The following PPP3CA variants were observed in gnomAD, a reference collection of about 807,000 sequenced individuals.
PPP3CA encodes protein phosphatase 3 catalytic subunit alpha.
In PPP3CA, 14 loss-of-function variants were observed where a neutral mutation model predicts 66.5. That is an observed-to-expected ratio of 0.21 (90% confidence interval 0.14 to 0.33). PPP3CA has a LOEUF of 0.33. Ranked by LOEUF, PPP3CA falls within the 10% of genes least tolerant of loss-of-function variation. The pLI is 1.00. For missense variants in PPP3CA, 317 were observed against 639.5 expected (o/e 0.50, Z 5.44); for synonymous variants, 232 against 226.2 (o/e 1.03, Z -0.23).
chr4:101,083,655 C>T (rs2110241191), intron 6 of PPP3CA, among the ~76,000 whole-genome samples: 1 of 152,276 alleles, frequency 6.6e-6, no homozygotes, highest in Admixed American at 6.5e-5. Context: ...ACCATTTGTG[C>T]ATATGTGTGC....
At chr4:101,238,640 T>C (rs964897594) in intron 1 of PPP3CA, among the ~76,000 whole-genome samples, 15 of 152,194 alleles carry the variant, frequency 9.9e-5, no homozygotes, top group South Asian at 2.1e-4. Context: ...AAAGTGCATA[T>C]CTTAAAGAGA....
At chr4:101,234,567 C>T (rs1726067678) in intron 1 of PPP3CA, among the ~76,000 whole-genome samples, 1 of 150,718 alleles carries the variant, frequency 6.6e-6, no homozygotes, top group South Asian at 2.1e-4. Context: ...CCTTTCCCCA[C>T]TTTTTAATGT....
intron 1 of PPP3CA, among the ~76,000 whole-genome samples, chr4:101,330,669 C>T (rs1285454901): frequency 5.3e-5 from 8 of 152,138 alleles, no homozygotes; most frequent in Non-Finnish European, 7.4e-5. Flanking sequence ...ATCTCCAAAC[C>T]GACAATATCT....
At position 101,302,781 on chromosome 4, in the gene PPP3CA, T is replaced by C. The variant is rs79448173; in HGVS notation, c.58+43958A>G. 6.5e-3 allele frequency among the ~76,000 whole-genome samples: 986 copies of C among 152,316 alleles called. 12 individuals carry two copies. Among genetic ancestry groups the C allele is most frequent in the African/African-American group, 0.022 (935 of 41,572 alleles). ...GAGTCCCAGAACCACAAGAGTGATT[T>C]GGCCCCATGTCAGCCAGACAGAATA... is the stretch of plus-strand genomic sequence containing the variant. On this transcript the variant is annotated intron_variant, in intron 1 of 13. Coordinates refer to ENST00000394854, the MANE Select transcript of PPP3CA (RefSeq NM_000944.5).
intron 1 of PPP3CA, among the ~76,000 whole-genome samples, chr4:101,322,044 G>A (rs1729055743): frequency 6.6e-6 from 1 of 152,116 alleles, no homozygotes; most frequent in Non-Finnish European, 1.5e-5. Flanking sequence ...CTTGTCAAAT[G>A]AGCTCTTTTG....
At chr4:101,301,238 C>A (rs1179411937) in intron 1 of PPP3CA, among the ~76,000 whole-genome samples, 2 of 151,702 alleles carry the variant, frequency 1.3e-5, no homozygotes, top group African/African-American at 4.8e-5. Flanking sequence ...GTCCAACATT[C>A]ACATTGTGTT....
At chr4:101,028,821 G>C (rs1378510031) in intron 13 of PPP3CA, among the ~76,000 whole-genome samples, 4 of 152,082 alleles carry the variant, frequency 2.6e-5, no homozygotes, top group Non-Finnish European at 5.9e-5. Flanking sequence ...TGATTTGAGG[G>C]AGGGACATGG....
chr4:101,100,407 A>C (rs1400627796), intron 3 of PPP3CA, among the ~76,000 whole-genome samples: 2 of 152,132 alleles, frequency 1.3e-5, no homozygotes, highest in Admixed American at 6.5e-5. Flanking sequence ...TATTTTACTT[A>C]TTAATCATTA....
chr4:101,181,836 C>T (rs1373311922), intron 2 of PPP3CA, among the ~76,000 whole-genome samples: 1 of 152,062 alleles, frequency 6.6e-6, no homozygotes, highest in Non-Finnish European at 1.5e-5. Context: ...ACAGGCTAAA[C>T]AGCACAATTA....
chr4:101,061,195 G>A, intron 9 of PPP3CA, 34 bp from the exon 10 acceptor site: 1 of 1,563,634 alleles, frequency 6.4e-7, no homozygotes, highest in Non-Finnish European at 8.8e-7. Context: ...AAAAGTCAGG[G>A]TTTTCTGTTA....
intron 1 of PPP3CA, among the ~76,000 whole-genome samples, chr4:101,305,969 A>G (rs1421359372): frequency 6.6e-6 from 1 of 152,108 alleles, no homozygotes; most frequent in Non-Finnish European, 1.5e-5. Flanking sequence ...AGGTACAGTG[A>G]AGTAGGAGAT....
chr4:101,042,838 A>T (rs921083618), intron 10 of PPP3CA, among the ~76,000 whole-genome samples: 71 of 150,328 alleles, frequency 4.7e-4, no homozygotes, highest in Non-Finnish European at 8.6e-4. Context: ...GGGATGGCAA[A>T]TAGTCCCCTT....
chr4:101,274,487 GT>G lies in PPP3CA; in HGVS notation c.58+72251del, dbSNP rs1222943614. 2.0e-5 allele frequency among the ~76,000 whole-genome samples: 3 copies of G among 152,262 alleles called. No homozygotes were observed. The East Asian group carries it at 5.8e-4, about 29-fold the overall frequency. ...TTTCAATTAATCAGATAAAAGATCTGTGAATTATTTAGTAATTTATGGCAAA... is the reference window on the plus strand; with the variant it reads ...TTTCAATTAATCAGATAAAAGATCTGGAATTATTTAGTAATTTATGGCAAA... On this transcript the variant is annotated intron_variant, in intron 1 of 13. Transcript: ENST00000394854.
intron 1 of PPP3CA, among the ~76,000 whole-genome samples, chr4:101,253,128 A>G (rs1403310103): frequency 1.3e-5 from 2 of 152,178 alleles, no homozygotes; most frequent in Admixed American, 6.5e-5. Flanking sequence ...AAGACAAAAC[A>G]ACATACTGAG....
chr4:101,195,815 G>T, intron 2 of PPP3CA, 101 bp downstream of exon 2: 2 of 924,156 alleles, frequency 2.2e-6, no homozygotes, highest in Non-Finnish European at 3.3e-6. Flanking sequence ...ATTATGATGG[G>T]TAAGGTATTT....
chr4:101,163,423 C>A (rs776619364), intron 2 of PPP3CA, among the ~76,000 whole-genome samples: 5 of 152,154 alleles, frequency 3.3e-5, no homozygotes, highest in Non-Finnish European at 7.3e-5. Flanking sequence ...CATTGGCCCA[C>A]AAGTCAAAGT....
chr4:101,085,835 T>TACACAC (rs60331979), intron 6 of PPP3CA, among the ~76,000 whole-genome samples: 3 of 143,870 alleles, frequency 2.1e-5, no homozygotes, highest in African/African-American at 7.6e-5. Context: ...ACTGCGTATA[T>TACACAC]ACACACACAC....
At chr4:101,254,576 A>C (rs891019352) in intron 1 of PPP3CA, among the ~76,000 whole-genome samples, 1 of 151,950 alleles carries the variant, frequency 6.6e-6, no homozygotes, top group African/African-American at 2.4e-5. Flanking sequence ...TAAATAAAAC[A>C]AAAACTATAC....
At chr4:101,166,979 T>C (rs13103902) in intron 2 of PPP3CA, among the ~76,000 whole-genome samples, 69,011 of 152,000 alleles carry the variant, frequency 0.45, 18,167 homozygotes, top group Middle Eastern at 0.62. Context: ...TTCTTGTCCC[T>C]CCTTTAATTA....
Sources: gnomAD v4.1 joint callset for allele counts (sites outside exome capture counted in the v4.1 genomes callset) on GRCh38, gnomAD v4.1.1 for gene constraint, MANE v1.5 for transcripts, NCBI Gene and HGNC (gene_info 2026-07-23, HGNC 2026-07-21) for gene names.